Variants in ADAMTSL1 observed in about 807,000 individuals in gnomAD.
The protein encoded by ADAMTSL1 is ADAMTS-like protein 1.
In ADAMTSL1, 126 loss-of-function variants were observed where a neutral mutation model predicts 201.8. The observed-to-expected ratio is 0.62, with a 90% CI of 0.54 to 0.72. ADAMTSL1 has a LOEUF of 0.72. Among genes scored for constraint, ADAMTSL1 ranks in the 30% least tolerant of loss-of-function variants. ADAMTSL1 has a pLI of 0.00. For missense variants in ADAMTSL1, 2,679 were observed against 2,277.8 expected, an observed-to-expected ratio of 1.18 and a Z score of -3.59; for synonymous variants, 1,121 against 903.4, an observed-to-expected ratio of 1.24 and a Z score of -4.32.
intron 2 of ADAMTSL1, among the ~76,000 whole-genome samples, chr9:18,344,692 G>A (rs958261595): frequency 5.3e-5 from 8 of 152,154 alleles, no homozygotes; most frequent in Non-Finnish European, 4.4e-5. Context: ...TGATACAGGA[G>A]CAGCAAAGCA....
chr9:18,257,679 A>C (rs1190119168), intron 2 of ADAMTSL1, among the ~76,000 whole-genome samples: 1 of 152,204 alleles, frequency 6.6e-6, no homozygotes, highest in Non-Finnish European at 1.5e-5. Context: ...TTCTCTTTCT[A>C]GATATATACC....
intron 2 of ADAMTSL1, among the ~76,000 whole-genome samples, chr9:18,190,299 G>T (rs1171531117): frequency 1.3e-5 from 2 of 152,118 alleles, no homozygotes; most frequent in Non-Finnish European, 2.9e-5. Flanking sequence ...TTATATGAAT[G>T]AGTTACGCTT....
At chr9:18,610,967 G>A (rs547440302) in intron 4 of ADAMTSL1, among the ~76,000 whole-genome samples, 36 of 152,230 alleles carry the variant, frequency 2.4e-4, no homozygotes, top group African/African-American at 8.4e-4. Flanking sequence ...GGAGGTACAC[G>A]TGTGAGTTCC....
intron 1 of ADAMTSL1, among the ~76,000 whole-genome samples, chr9:18,054,291 A>G (rs537725181): frequency 1.3e-5 from 2 of 152,340 alleles, no homozygotes; most frequent in Non-Finnish European, 2.9e-5. Flanking sequence ...CGTCTATTCA[A>G]ATTTTGAATT....
chr9:18,344,462 T>C (rs1835609194), intron 2 of ADAMTSL1, among the ~76,000 whole-genome samples: 1 of 152,156 alleles, frequency 6.6e-6, no homozygotes, highest in Admixed American at 6.6e-5. Flanking sequence ...TGGCCTTAAT[T>C]ATTTTTAATG....
rs140358758 is a variant in ADAMTSL1, at chr9:18,354,692, G to A, written c.208-150137G>A. Among the ~76,000 whole-genome samples the A allele has an allele frequency of 5.2e-3, 795 of 152,290 alleles. 8 individuals carry two copies. Among genetic ancestry groups the A allele is most frequent in the African/African-American group, 0.018 (766 of 41,548 alleles). On this transcript the variant is annotated intron_variant, in intron 2 of 29. Coordinates refer to the ADAMTSL1 transcript ENST00000680146. ...ACTTAAAAATAAATATCTGGGTCAG[G>A]CGTGGTGGCTCACACCTGTAGTCCC...
At position 18,317,559 on chromosome 9, in the gene ADAMTSL1, A is replaced by G. The variant is rs543415324; in HGVS notation, c.207+153578A>G. Among the ~76,000 whole-genome samples the G allele has an allele frequency of 4.6e-5, 7 of 152,334 alleles. No individual in the cohort carries two copies. In the South Asian group the frequency reaches 8.3e-4, roughly 18 times the overall value. On this transcript the variant is annotated intron_variant, in intron 2 of 29. Coordinates refer to the ADAMTSL1 transcript ENST00000680146. ...GGATATATATAATTTTTGTTTGTCAATTATGCCTCAGGAAAGTTGGGGCAG... is the reference window on the plus strand; with the variant it reads ...GGATATATATAATTTTTGTTTGTCAGTTATGCCTCAGGAAAGTTGGGGCAG...
At chr9:18,153,436 C>G (rs555316125) in intron 1 of ADAMTSL1, among the ~76,000 whole-genome samples, 2 of 151,956 alleles carry the variant, frequency 1.3e-5, no homozygotes, top group South Asian at 2.1e-4. Context: ...ATTAATTTAC[C>G]ACTCATATAT....
At chr9:18,373,122 T>C (rs1490509124) in intron 2 of ADAMTSL1, among the ~76,000 whole-genome samples, 3 of 152,222 alleles carry the variant, frequency 2.0e-5, no homozygotes, top group African/African-American at 7.2e-5. Context: ...CTGGAGTCTA[T>C]TCCCATCCAA....
At chr9:18,065,214 C>G (rs1313432986) in intron 1 of ADAMTSL1, among the ~76,000 whole-genome samples, 1 of 152,074 alleles carries the variant, frequency 6.6e-6, no homozygotes, top group Non-Finnish European at 1.5e-5. Context: ...CCCAGAGGGA[C>G]AGATTCACAT....
intron 2 of ADAMTSL1, among the ~76,000 whole-genome samples, chr9:18,383,903 T>C (rs1013760290): frequency 6.6e-6 from 1 of 152,178 alleles, no homozygotes; most frequent in Non-Finnish European, 1.5e-5. Context: ...GGGGTCTGGT[T>C]AATGCAGATT....
intron 1 of ADAMTSL1, among the ~76,000 whole-genome samples, chr9:18,104,351 G>A (rs1225654680): frequency 2.0e-5 from 3 of 152,132 alleles, no homozygotes; most frequent in East Asian, 3.9e-4. Flanking sequence ...ACGAAGTCAG[G>A]GATGAGCAAT....
intron 4 of ADAMTSL1, among the ~76,000 whole-genome samples, chr9:18,582,948 C>G (rs1823209872): frequency 6.6e-6 from 1 of 152,106 alleles, no homozygotes; most frequent in African/African-American, 2.4e-5. Context: ...CTTCTGTTGT[C>G]TGCTGCCATG....
Position 18,830,236 on chromosome 9 carries a change from A to G in ADAMTSL1, c.4249+259A>G, listed in dbSNP as rs145720137. Among the ~76,000 whole-genome samples the G allele has an allele frequency of 1.0e-3, 155 of 152,270 alleles. 1 individual carries two copies. In the Middle Eastern group the frequency reaches 0.024, roughly 23 times the overall value. On this transcript the variant is annotated intron_variant, in intron 23 of 28. Transcript: ENST00000380548. ...TTCTGAATCCTCTTGGGTTGATGCC[A>G]TAGTCCAGATCCTCTCAATCAGATT...
chr9:17,935,043 A>G (rs972046367), intron 1 of ADAMTSL1, among the ~76,000 whole-genome samples: 1 of 151,064 alleles, frequency 6.6e-6, no homozygotes, highest in South Asian at 2.1e-4. Context: ...ATCTTCTTTT[A>G]TTATCTCTTG....
intron 2 of ADAMTSL1, among the ~76,000 whole-genome samples, chr9:18,327,119 T>C (rs1217789934): frequency 6.6e-6 from 1 of 152,190 alleles, no homozygotes; most frequent in African/African-American, 2.4e-5. Context: ...TCCTTTTGAG[T>C]TTCATGGTAG....
At chr9:18,214,730 G>T (rs1944768) in intron 2 of ADAMTSL1, among the ~76,000 whole-genome samples, 26,785 of 152,072 alleles carry the variant, frequency 0.18, 2,494 homozygotes, top group East Asian at 0.24. Flanking sequence ...TATCAAAGTA[G>T]AGTTACTTCA....
intron 2 of ADAMTSL1, among the ~76,000 whole-genome samples, chr9:18,254,507 C>T (rs1368639379): frequency 1.3e-5 from 2 of 151,644 alleles, no homozygotes; most frequent in Non-Finnish European, 2.9e-5. Flanking sequence ...GGACTACAGG[C>T]TCCCGCCACC....
At chr9:18,303,226 C>T (rs1833772567) in intron 2 of ADAMTSL1, among the ~76,000 whole-genome samples, 1 of 152,138 alleles carries the variant, frequency 6.6e-6, no homozygotes, top group Admixed American at 6.6e-5. Flanking sequence ...AGTAAGAGAC[C>T]AAAGATACAT....
Sources: gnomAD v4.1 joint callset for allele counts (sites outside exome capture counted in the v4.1 genomes callset) on GRCh38, gnomAD v4.1.1 for gene constraint, MANE v1.5 for transcripts, NCBI Gene and HGNC (gene_info 2026-07-23, HGNC 2026-07-21) for gene names.